The following TRDN variants were observed in gnomAD, a reference collection of about 807,000 sequenced individuals.
TRDN encodes the protein triadin in skeletal muscle.
TRDN carries 161 observed loss-of-function variants against 149.7 expected under a neutral mutation model. The ratio of observed to expected loss-of-function variants is 1.08; its 90% CI spans 0.95 to 1.23. TRDN has a LOEUF of 1.23. TRDN is among the 50% of genes most tolerant of loss of function. The pLI, the probability that TRDN is intolerant of heterozygous loss-of-function variation, is 0.00. For missense variants in TRDN, 896 were observed against 823.5 expected (o/e 1.09, Z -1.08); for synonymous variants, 294 against 250.5 (o/e 1.17, Z -1.64).
At chr6:123,408,076 T>C (rs1773269663) in intron 12 of TRDN, among the ~76,000 whole-genome samples, 1 of 152,196 alleles carries the variant, frequency 6.6e-6, no homozygotes, top group Middle Eastern at 3.2e-3. Context: ...CTTTAAAATG[T>C]ATTAACAATG....
chr6:123,451,883 A>G (rs1220418431), intron 10 of TRDN, among the ~76,000 whole-genome samples: 1 of 152,168 alleles, frequency 6.6e-6, no homozygotes, highest in African/African-American at 2.4e-5. Flanking sequence ...ATAACATATC[A>G]AAAAGATAAT....
In TRDN at chr6:123,449,866, T is replaced by C. The variant is rs376837864; in HGVS notation, c.932-10863A>G. ...AAAAACCTATCAGATTAACAACAGATTTCTGAGCAGAAACCTTACAAGCCA... is the reference window on the plus strand; with the variant it reads ...AAAAACCTATCAGATTAACAACAGACTTCTGAGCAGAAACCTTACAAGCCA... On this transcript the variant is annotated intron_variant, in intron 10 of 40. Transcript: ENST00000334268. Among the ~76,000 whole-genome samples, 167 of 152,298 alleles carry C rather than the reference T, an allele frequency of 1.1e-3. 3 individuals are homozygous for C. The South Asian group carries it at 0.034, about 31-fold the overall frequency.
At chr6:123,436,594 G>GC (rs1318816847) in intron 12 of TRDN, among the ~76,000 whole-genome samples, 2 of 151,724 alleles carry the variant, frequency 1.3e-5, no homozygotes, top group Non-Finnish European at 2.9e-5. Context: ...TCTTTTTAGG[G>GC]TCCTCACCAC....
Position 123,433,264 on chromosome 6 carries a change from G to T in TRDN, c.1051+4799C>A, listed in dbSNP as rs183672185. Among the ~76,000 whole-genome samples, 6 of 149,324 alleles carry T rather than the reference G, an allele frequency of 4.0e-5. No individual in the cohort carries two copies. In the East Asian group the frequency reaches 1.2e-3, roughly 30 times the overall value. ...AATTTAAATGCTGTCTCTCAGAGAG[G>T]CCTGCTCTAATAATCTTATCTATTT... On this transcript the variant is annotated intron_variant, in intron 12 of 40. Coordinates refer to ENST00000334268, the MANE Select transcript of TRDN (RefSeq NM_006073.4).
chr6:123,569,823 C>G (rs1782471665), intron 2 of TRDN, among the ~76,000 whole-genome samples: 1 of 152,156 alleles, frequency 6.6e-6, no homozygotes, highest in Non-Finnish European at 1.5e-5. Flanking sequence ...AAAATGCATC[C>G]CTGTGATCCA....
chr6:123,353,160 A>G (rs1472393978), intron 20 of TRDN, among the ~76,000 whole-genome samples: 1 of 151,904 alleles, frequency 6.6e-6, no homozygotes, highest in African/African-American at 2.4e-5. Flanking sequence ...GTCCAAAAGT[A>G]GAACAGTACA....
intron 1 of TRDN, among the ~76,000 whole-genome samples, chr6:123,610,564 T>C (rs1784755113): frequency 6.6e-6 from 1 of 152,192 alleles, no homozygotes; most frequent in South Asian, 2.1e-4. Flanking sequence ...GACAGAGATA[T>C]CTATTAAATA....
chr6:123,541,228 CTT>C (rs1780820527), intron 4 of TRDN, among the ~76,000 whole-genome samples: 1 of 152,176 alleles, frequency 6.6e-6, no homozygotes, highest in African/African-American at 2.4e-5. Flanking sequence ...CTCAGAGACT[CTT>C]TTAATTCCTT....
At chr6:123,384,484 A>G (rs903055311) in intron 14 of TRDN, among the ~76,000 whole-genome samples, 2 of 152,174 alleles carry the variant, frequency 1.3e-5, no homozygotes, top group African/African-American at 4.8e-5. Context: ...GGGAACACAG[A>G]GAAGATGAAA....
At chr6:123,481,906 G>A (rs1329456681) in intron 9 of TRDN, among the ~76,000 whole-genome samples, 1 of 152,154 alleles carries the variant, frequency 6.6e-6, no homozygotes, top group Non-Finnish European at 1.5e-5. Flanking sequence ...GTGAAAAAGG[G>A]TTGCTTCTCT....
chr6:123,562,765 C>G (rs1782071062), intron 2 of TRDN, among the ~76,000 whole-genome samples: 3 of 152,128 alleles, frequency 2.0e-5, no homozygotes, highest in Non-Finnish European at 4.4e-5. Context: ...AAAATACTTG[C>G]ATCTGCAAGT....
intron 9 of TRDN, among the ~76,000 whole-genome samples, chr6:123,490,160 G>A (rs1353509973): frequency 6.6e-6 from 1 of 152,148 alleles, no homozygotes; most frequent in African/African-American, 2.4e-5. Context: ...TAGAATCAAT[G>A]AGTGAACAAT....
chr6:123,342,868 T>A (rs992655335), intron 21 of TRDN, among the ~76,000 whole-genome samples: 5 of 152,002 alleles, frequency 3.3e-5, no homozygotes, highest in African/African-American at 7.2e-5. Context: ...GCCTTGCAAA[T>A]CATATGTCTG....
chr6:123,581,321 C>G (rs1161450352), intron 1 of TRDN, among the ~76,000 whole-genome samples: 2 of 152,160 alleles, frequency 1.3e-5, no homozygotes, highest in Admixed American at 6.6e-5. Context: ...AATACCATAG[C>G]ATTTTTTGAT....
intron 21 of TRDN, among the ~76,000 whole-genome samples, chr6:123,337,893 C>T (rs987747552): frequency 3.9e-5 from 6 of 151,924 alleles, no homozygotes; most frequent in East Asian, 3.9e-4. Flanking sequence ...ACAGACTATG[C>T]CATATATACA....
At chr6:123,446,610 G>A (rs1171665938) in intron 10 of TRDN, among the ~76,000 whole-genome samples, 141 of 102,080 alleles carry the variant, frequency 1.4e-3, no homozygotes, top group African/African-American at 3.8e-3. Context: ...AAAAAAAAAA[G>A]AAGAGCTAGG....
intron 8 of TRDN, chr6:123,502,270 TC>T (rs1289439397): frequency 2.2e-6 from 2 of 930,052 alleles, no homozygotes; most frequent in East Asian, 2.3e-4. Context: ...ACTTACTTCA[TC>T]CTTTTTGTCT....
At chr6:123,498,457 G>C (rs1003890857) in intron 8 of TRDN, 5 of 440,162 alleles carry the variant, frequency 1.1e-5, no homozygotes, top group African/African-American at 6.1e-5. Flanking sequence ...ACCTAAATAA[G>C]GGCAGGCCAA....
intron 9 of TRDN, among the ~76,000 whole-genome samples, chr6:123,494,556 A>C (rs1229844848): frequency 6.6e-6 from 1 of 152,216 alleles, no homozygotes; most frequent in African/African-American, 2.4e-5. Flanking sequence ...AACTAATAGA[A>C]TATGAAGAAA....
Sources: gnomAD v4.1 joint callset for allele counts (sites outside exome capture counted in the v4.1 genomes callset) on GRCh38, gnomAD v4.1.1 for gene constraint, MANE v1.5 for transcripts, NCBI Gene and HGNC (gene_info 2026-07-23, HGNC 2026-07-21) for gene names.